Variants in PPP2R2C observed in about 807,000 individuals in gnomAD.
PPP2R2C encodes protein phosphatase 2 regulatory subunit Bgamma.
Under a neutral mutation model 45.3 loss-of-function variants are expected in PPP2R2C, and 10 were observed. The ratio of observed to expected loss-of-function variants is 0.22; its 90% CI spans 0.14 to 0.37. The LOEUF (loss-of-function observed/expected upper bound fraction) is 0.37, where lower values mean the gene tolerates loss of function less well. PPP2R2C is among the 10% of genes least tolerant of loss of function. The probability of loss-of-function intolerance (pLI) is 1.00; values close to 1 mark genes in which losing one functional copy is unlikely to be tolerated. For missense variants in PPP2R2C, 308 were observed against 619.7 expected, an observed-to-expected ratio of 0.50 and a Z score of 5.34; for synonymous variants, 257 against 245.4, an observed-to-expected ratio of 1.05 and a Z score of -0.44.
intron 5 of PPP2R2C, among the ~76,000 whole-genome samples, chr4:6,365,159 T>A (rs1169341236): frequency 1.3e-5 from 2 of 152,092 alleles, no homozygotes; most frequent in African/African-American, 4.8e-5. Flanking sequence ...TAGCACCAAG[T>A]CCAATGCTCA....
At chr4:6,463,212 T>C (rs1721418769) in intron 1 of PPP2R2C, among the ~76,000 whole-genome samples, 1 of 152,242 alleles carries the variant, frequency 6.6e-6, no homozygotes, top group African/African-American at 2.4e-5. Context: ...GGTTGGGAGC[T>C]CGCTCTCTCT....
chr4:6,419,542 G>A (rs942045631), intron 1 of PPP2R2C, among the ~76,000 whole-genome samples: 2 of 152,104 alleles, frequency 1.3e-5, no homozygotes, highest in Non-Finnish European at 2.9e-5. Flanking sequence ...ACAGAAAATC[G>A]AACTTGCTCT....
chr4:6,501,208 G>A (rs547166682), intron 2 of PPP2R2C, among the ~76,000 whole-genome samples: 1 of 152,300 alleles, frequency 6.6e-6, no homozygotes, highest in East Asian at 1.9e-4. Context: ...ATCTAACCCA[G>A]CTGCTGCCAT....
At chr4:6,474,011 C>T (rs1370638882), upstream of PPP2R2C, among the ~76,000 whole-genome samples, 2 of 152,234 alleles carry the variant, frequency 1.3e-5, no homozygotes, top group African/African-American at 4.8e-5. Flanking sequence ...TACCTTTTCA[C>T]TGTGGAACAA....
At chr4:6,382,673 T>TCACACA (rs1715921234) in intron 1 of PPP2R2C, 9 of 134,650 alleles carry the variant, frequency 6.7e-5, no homozygotes, top group African/African-American at 6.4e-4. Flanking sequence ...TCTCTCTCTC[T>TCACACA]CTCACACACA....
intron 1 of PPP2R2C, among the ~76,000 whole-genome samples, chr4:6,453,280 G>T (rs1720837167): frequency 6.6e-6 from 1 of 152,190 alleles, no homozygotes; most frequent in African/African-American, 2.4e-5. Flanking sequence ...GCCCCAGGAT[G>T]GCCAGAGTCC....
At chr4:6,347,057 A>G (rs1712030542) in intron 6 of PPP2R2C, among the ~76,000 whole-genome samples, 1 of 152,160 alleles carries the variant, frequency 6.6e-6, no homozygotes, top group Non-Finnish European at 1.5e-5. Context: ...GGCCTCTGGG[A>G]TGGCTGTGGC....
At chr4:6,514,517 G>T (rs530242064) in intron 2 of PPP2R2C, among the ~76,000 whole-genome samples, 1 of 152,114 alleles carries the variant, frequency 6.6e-6, no homozygotes, top group African/African-American at 2.4e-5. Context: ...TGGCCCCAGG[G>T]CCCTTGGTTT....
At chr4:6,460,895 AG>A (rs1721286079) in intron 1 of PPP2R2C, among the ~76,000 whole-genome samples, 1 of 152,122 alleles carries the variant, frequency 6.6e-6, no homozygotes, top group Admixed American at 6.5e-5. Flanking sequence ...CGGCATTTGA[AG>A]CCTTTCACAA....
At position 6,329,213 on chromosome 4, in the gene PPP2R2C, G is replaced by T. The variant is rs1186125394; in HGVS notation, c.1052+49C>A. 4 of 1,562,798 alleles carry T rather than the reference G, an allele frequency of 2.6e-6. No individual in the cohort carries two copies. The African/African-American group carries it at 5.4e-5, about 21-fold the overall frequency. On this transcript the variant is annotated intron_variant, in intron 8 of 8. Transcript: ENST00000382599. This position sits in a 1 kb window ranked among gnomAD's most constrained non-coding sequence, Gnocchi z 5.8. ...TCCCAGCCCAGACCCCTGCAGGGCA[G>T]AAACCCTCCCTACGGTGAGGTGAGG...
At chr4:6,495,402 C>T (rs982072352) in intron 2 of PPP2R2C, among the ~76,000 whole-genome samples, 2 of 152,220 alleles carry the variant, frequency 1.3e-5, no homozygotes, top group Non-Finnish European at 2.9e-5. Flanking sequence ...CCCAGATCAC[C>T]GGTGCCTGGC....
At chr4:6,472,042 G>T in intron 1 of PPP2R2C, 118 bp downstream of exon 1, 1 of 1,237,082 alleles carries the variant, frequency 8.1e-7, no homozygotes, top group Non-Finnish European at 1.1e-6. Flanking sequence ...GGGTGGGGTG[G>T]GGTGGGGCGG....
At chr4:6,500,386 G>C (rs1005626555) in intron 2 of PPP2R2C, among the ~76,000 whole-genome samples, 1 of 152,218 alleles carries the variant, frequency 6.6e-6, no homozygotes, top group African/African-American at 2.4e-5. Flanking sequence ...GACCTCAGAT[G>C]ATCTGCCTGC....
At chr4:6,421,932 C>T (rs1201180049) in intron 1 of PPP2R2C, among the ~76,000 whole-genome samples, 2 of 152,168 alleles carry the variant, frequency 1.3e-5, no homozygotes, top group Admixed American at 1.3e-4. Flanking sequence ...ATGTGCTGAG[C>T]AGAATGTAAG....
rs753155505 is a variant in PPP2R2C at position 6,378,400 on chromosome 4, G to A, written c.334+7C>T. 7 of 1,614,018 alleles carry A rather than the reference G, an allele frequency of 4.3e-6. No homozygotes were observed. Among genetic ancestry groups the A allele is most frequent in the South Asian group, 3.3e-5 (3 of 91,090 alleles). ...GCCCATGCAAGCGAGGCCGGGCAGCGCCTCACCGTTGGTGGACAGGAGTGA... is the reference window on the plus strand; with the variant it reads ...GCCCATGCAAGCGAGGCCGGGCAGCACCTCACCGTTGGTGGACAGGAGTGA... On this transcript the variant is annotated splice_region_variant and intron_variant, in intron 3 of 8. Coordinates refer to ENST00000382599, the MANE Select transcript of PPP2R2C (RefSeq NM_020416.4). The surrounding 1 kb of genome is among the most constrained non-coding windows in gnomAD (Gnocchi z 5.2).
At chr4:6,544,955 AT>A (rs563090373) in intron 1 of PPP2R2C, among the ~76,000 whole-genome samples, 347 of 152,082 alleles carry the variant, frequency 2.3e-3, no homozygotes, top group Middle Eastern at 0.01. Context: ...GATTTCTTAA[AT>A]TTTTTTTTAT....
chr4:6,363,066 G>A (rs1713951389), intron 5 of PPP2R2C, among the ~76,000 whole-genome samples: 1 of 152,180 alleles, frequency 6.6e-6, no homozygotes, highest in Non-Finnish European at 1.5e-5. Context: ...TGGGGTGGGA[G>A]GTGGAGATGC....
At chr4:6,549,444 T>A (rs79065610) in intron 1 of PPP2R2C, among the ~76,000 whole-genome samples, 3,635 of 152,276 alleles carry the variant, frequency 0.024, 138 homozygotes, top group African/African-American at 0.082. Context: ...GGGACCTGAA[T>A]AATGACAAAG....
At chr4:6,449,307 G>C (rs1393344312) in intron 1 of PPP2R2C, among the ~76,000 whole-genome samples, 1 of 152,208 alleles carries the variant, frequency 6.6e-6, no homozygotes, top group Non-Finnish European at 1.5e-5. Context: ...GTCCCAACAA[G>C]ATGAGACCCC....
Sources: gnomAD v4.1 joint callset for allele counts (sites outside exome capture counted in the v4.1 genomes callset) on GRCh38, gnomAD v4.1.1 for gene constraint, Gnocchi (gnomAD v3.1) non-coding constraint, MANE v1.5 for transcripts, NCBI Gene and HGNC (gene_info 2026-07-23, HGNC 2026-07-21) for gene names.